DUT: variants seen among roughly 807,000 people sequenced by gnomAD.
The protein encoded by DUT is deoxyuridine 5'-triphosphate nucleotidohydrolase, mitochondrial.
DUT carries 21 observed loss-of-function variants against 28.8 expected under a neutral mutation model. The observed-to-expected ratio is 0.73, with a 90% CI of 0.52 to 1.05. The LOEUF (loss-of-function observed/expected upper bound fraction) is 1.05. DUT is among the 50% of genes least tolerant of loss of function. The pLI, the probability that DUT is intolerant of heterozygous loss-of-function variation, is 0.00. For synonymous variants in DUT, 147 were observed against 143.7 expected (o/e 1.02, Z -0.17); for missense variants, 344 against 351.8 (o/e 0.98, Z 0.18).
chr15:48,340,485 G>A (rs201891754), intron 4 of DUT, among the ~76,000 whole-genome samples: 1 of 152,172 alleles, frequency 6.6e-6, no homozygotes, highest in African/African-American at 2.4e-5. Context: ...CGGTGCACCT[G>A]TATTATCTGT....
chr15:48,331,106 C>A, upstream of DUT: 3 of 1,237,624 alleles, frequency 2.4e-6, no homozygotes, highest in Non-Finnish European at 3.1e-6. Flanking sequence ...CAATAACTGT[C>A]ACCGGCGCCG....
At chr15:48,332,019 G>A in intron 1 of DUT, 1 of 975,730 alleles carries the variant, frequency 1.0e-6, no homozygotes, top group African/African-American at 1.7e-5. Context: ...GTGGAAAGTT[G>A]ACTGGGACCC....
chr15:48,331,788 G>C lies in DUT; in HGVS notation c.273G>C (p.Pro91=). 5.8e-6 allele frequency: 8 copies of C among 1,373,772 alleles called. No homozygotes were observed. The highest frequency in any genetic ancestry group is 7.5e-6 in the Non-Finnish European group (8 of 1,069,480). The allele number at this position is 1,373,772 out of a possible 1,614,324, so 85.1% of individuals were successfully genotyped here. A position where few individuals can be genotyped will look rare whatever the true frequency, so the allele number is the denominator to read the frequency against. ...CTAAGGCGGGGGGAAGCCCGGCGCC[G>C]GGGCCGGGTAGGAAAGGCGGGGGAG... ...ELPKAGGSPA[P]GPETPAISPS... The change falls in exon 1 of 7, where the codon CCG becomes CCC. Residue 91 remains proline (P), a synonymous_variant. Coordinates refer to ENST00000331200, the MANE Select transcript of DUT (RefSeq NM_001025248.2).
intron 4 of DUT, among the ~76,000 whole-genome samples, chr15:48,336,952 G>A (rs898083339): frequency 7.9e-5 from 12 of 152,124 alleles, no homozygotes; most frequent in Non-Finnish European, 1.5e-4. Flanking sequence ...AATTAATTGT[G>A]GAGATTACCC....
At chr15:48,340,093 C>T (rs1020729423) in intron 4 of DUT, 2 of 152,046 alleles carry the variant, frequency 1.3e-5, no homozygotes, top group Non-Finnish European at 2.9e-5. Context: ...CATTACTGCC[C>T]ATTGAGCTGA....
At chr15:48,331,349 C>A, upstream of DUT, 5 of 1,455,570 alleles carry the variant, frequency 3.4e-6, no homozygotes, top group Non-Finnish European at 4.5e-6. Context: ...GCCCCAGGGC[C>A]TGCGCCATCC....
intron 3 of DUT, among the ~76,000 whole-genome samples, chr15:48,335,034 T>A (rs2042460053): frequency 2.0e-5 from 3 of 152,226 alleles, no homozygotes; most frequent in Non-Finnish European, 2.9e-5. Flanking sequence ...AATGGAGCTG[T>A]GACGCCCTCC....
chr15:48,331,438 A>G lies in DUT; in HGVS notation c.-78A>G, dbSNP rs2042406133. 5 of 1,579,490 alleles carry G rather than the reference A, an allele frequency of 3.2e-6. No homozygotes were observed. The highest frequency in any genetic ancestry group is 1.8e-4 in the Middle Eastern group (1 of 5,476). ...CTGCTTCCGAGGTCATGTTCCCAGG[A>G]CGGGCGCGTCTTCAGGGTGGAAGCC... On this transcript the variant is annotated 5_prime_UTR_variant, in exon 1 of 7. Transcript: ENST00000331200.
At chr15:48,337,866 A>G (rs963083158) in intron 4 of DUT, among the ~76,000 whole-genome samples, 3 of 152,188 alleles carry the variant, frequency 2.0e-5, no homozygotes, top group Non-Finnish European at 4.4e-5. Context: ...ATAAGGGTCA[A>G]AGGGAAAAGT....
intron 2 of DUT, chr15:48,332,799 T>G (rs28381106): frequency 0.036 from 17,123 of 475,704 alleles, 752 homozygotes; most frequent in African/African-American, 0.13. Flanking sequence ...GCATCTGCCT[T>G]AAAAAGTTAT....
chr15:48,337,852 C>G (rs994489700), intron 4 of DUT, among the ~76,000 whole-genome samples: 1 of 152,102 alleles, frequency 6.6e-6, no homozygotes. Context: ...ATCCCAGGCT[C>G]TAAATAAGGG....
Position 48,332,367 on chromosome 15 carries a change from C to T in DUT, c.380C>T (p.Thr127Ile). The change falls in exon 2 of 7, where the codon ACC (threonine) becomes ATC (isoleucine). Residue 127 changes from threonine to isoleucine, a missense_variant. Coordinates refer to ENST00000331200, the MANE Select transcript of DUT (RefSeq NM_001025248.2). ...CTCTCCGAGCACGCCACGGCCCCCA[C>T]CCGGGGCTCCGCGCGCGCCGCGGGC... ...ARLSEHATAPTRGSARAAGYD... is the reference protein window; with the variant it reads ...ARLSEHATAPIRGSARAAGYD... 1 of 1,593,180 alleles carries T rather than the reference C, an allele frequency of 6.3e-7. No individual in the cohort carries two copies. Among genetic ancestry groups the T allele is most frequent in the Non-Finnish European group, 8.5e-7 (1 of 1,172,152 alleles).
Position 48,342,560 on chromosome 15 carries a change from A to T in DUT, c.*482A>T, listed in dbSNP as rs1272419704. On this transcript the variant is annotated 3_prime_UTR_variant, in exon 7 of 7. Coordinates refer to ENST00000331200, the MANE Select transcript of DUT (RefSeq NM_001025248.2). The stretch of plus-strand genomic sequence containing the variant: ...AAAATAAAAATGAAAAGGAGAGATT[A>T]AAGGTATTCCTTGTTCTTCCCTTCT... 6.6e-6 allele frequency: 1 copy of T among 152,258 alleles called. No individual in the cohort carries two copies. The highest frequency in any genetic ancestry group is 1.5e-5 in the Non-Finnish European group (1 of 68,060). 9.4% of individuals were successfully genotyped at this position (152,258 alleles called of 1,614,324 possible).
At chr15:48,338,258 T>C (rs2042495227) in intron 4 of DUT, among the ~76,000 whole-genome samples, 1 of 152,148 alleles carries the variant, frequency 6.6e-6, no homozygotes, top group Non-Finnish European at 1.5e-5. Context: ...AACTTCTTAA[T>C]TTCTTTTAGT....
At position 48,332,097 on chromosome 15, in the gene DUT, CCT is replaced by C. The variant is rs999267626; in HGVS notation, c.281-167_281-166del. 28 of 1,340,502 alleles carry C rather than the reference CCT, an allele frequency of 2.1e-5. No homozygotes were observed. The African/African-American group carries it at 3.6e-4, about 17-fold the overall frequency. 83.0% of individuals were successfully genotyped at this position (1,340,502 alleles called of 1,614,324 possible). A position where few individuals can be genotyped will look rare whatever the true frequency, so the allele number is the denominator to read the frequency against. On this transcript the variant is annotated intron_variant, in intron 1 of 6. Coordinates refer to ENST00000331200, the MANE Select transcript of DUT (RefSeq NM_001025248.2). Reference sequence around the variant, plus strand: ...AACCCAAAATGTGAATCCCGCCTCCCCTCTCAGCCAGAACTGTGGACTCGTCC... The same window carrying C: ...AACCCAAAATGTGAATCCCGCCTCCCCTCAGCCAGAACTGTGGACTCGTCC...
intron 1 of DUT, 140 bp from the exon 2 acceptor site, chr15:48,332,128 G>C (rs2042421021): frequency 2.1e-6 from 3 of 1,403,536 alleles, no homozygotes; most frequent in Admixed American, 3.2e-5. Context: ...CTCGTCCCGG[G>C]GAGGGGCGGT....
Position 48,334,492 on chromosome 15 carries a change from G to A in DUT, c.495G>A (p.Gly165=). 1 of 1,610,254 alleles carries A rather than the reference G, an allele frequency of 6.2e-7. No individual in the cohort carries two copies. The highest frequency in any genetic ancestry group is 8.5e-7 in the Non-Finnish European group (1 of 1,177,390). ...KTDIQIALPS[G]CYGRVAPRSG... is the part of the protein sequence containing the mutation. ...ACATTCAGATAGCGCTCCCTTCTGGGTGTTATGGAAGAGTGGGTAAGTCAT... is the reference window on the plus strand; with the variant it reads ...ACATTCAGATAGCGCTCCCTTCTGGATGTTATGGAAGAGTGGGTAAGTCAT... Residue 165 remains glycine, a synonymous_variant, in exon 3 of 7, where the codon GGG becomes GGA. Coordinates refer to ENST00000331200, the MANE Select transcript of DUT (RefSeq NM_001025248.2).
At chr15:48,333,348 A>G (rs1396433196) in intron 2 of DUT, among the ~76,000 whole-genome samples, 2 of 152,174 alleles carry the variant, frequency 1.3e-5, no homozygotes, top group African/African-American at 4.8e-5. Flanking sequence ...TGATGAATAA[A>G]AGTAGAGTGA....
At position 48,343,142 on chromosome 15, in the gene DUT, T is replaced by TATC. The variant is rs1050424946; in HGVS notation, c.*1066_*1068dup. ...TATACACATGGAGTGCTTCTGGAAC[T>TATC]ATCAGCCCACTTGACCACCCAGTTT... On this transcript the variant is annotated 3_prime_UTR_variant, in exon 7 of 7. Coordinates refer to ENST00000331200, the MANE Select transcript of DUT (RefSeq NM_001025248.2). 3.3e-5 allele frequency: 5 copies of TATC among 152,226 alleles called. No individual in the cohort carries two copies. Among genetic ancestry groups the TATC allele is most frequent in the Non-Finnish European group, 7.3e-5 (5 of 68,056 alleles). The allele number at this position is 152,226 out of a possible 1,614,324, so 9.4% of individuals were successfully genotyped here.
Sources: gnomAD v4.1 joint callset for allele counts (sites outside exome capture counted in the v4.1 genomes callset) on GRCh38, gnomAD v4.1.1 for gene constraint, MANE v1.5 for transcripts, NCBI Gene and HGNC (gene_info 2026-07-23, HGNC 2026-07-21) for gene names.